Variants in NTNG1 observed in about 807,000 individuals in gnomAD.
The protein encoded by NTNG1 is netrin-G1.
In NTNG1, 16 loss-of-function variants were observed where a neutral mutation model predicts 54.0. The ratio of observed to expected loss-of-function variants is 0.30; its 90% CI spans 0.20 to 0.45. The LOEUF (loss-of-function observed/expected upper bound fraction) is 0.45, where lower values mean the gene tolerates loss of function less well. NTNG1 is among the 20% of genes least tolerant of loss of function. The probability of loss-of-function intolerance (pLI) is 1.00; values close to 1 mark genes in which losing one functional copy is unlikely to be tolerated. For missense variants in NTNG1, 530 were observed against 678.7 expected (o/e 0.78, Z 2.43); for synonymous variants, 255 against 263.1 (o/e 0.97, Z 0.30).
At chr1:107,395,052 C>T (rs534264775) in intron 3 of NTNG1, 102 bp from the exon 4 acceptor site, 2 of 852,784 alleles carry the variant, frequency 2.3e-6, no homozygotes. Flanking sequence ...CTCTGTGTAT[C>T]ACTAAAGCAC....
chr1:107,180,149 T>C (rs1246041781), intron 2 of NTNG1, among the ~76,000 whole-genome samples: 1 of 152,178 alleles, frequency 6.6e-6, no homozygotes, highest in Non-Finnish European at 1.5e-5. Flanking sequence ...GTGCTTCTTT[T>C]TGCAAAGCCC....
At chr1:107,461,153 G>C (rs1240656202) in intron 7 of NTNG1, among the ~76,000 whole-genome samples, 1 of 152,206 alleles carries the variant, frequency 6.6e-6, no homozygotes, top group Non-Finnish European at 1.5e-5. Context: ...GACATACATA[G>C]ACCCTGCTCT....
At chr1:107,310,802 G>T (rs751009293) in intron 2 of NTNG1, among the ~76,000 whole-genome samples, 24 of 152,030 alleles carry the variant, frequency 1.6e-4, no homozygotes, top group Non-Finnish European at 2.2e-4. Flanking sequence ...CACTACCCAT[G>T]TCCCAAACAG....
chr1:107,250,936 A>G (rs572670486), intron 2 of NTNG1, among the ~76,000 whole-genome samples: 1 of 152,254 alleles, frequency 6.6e-6, no homozygotes, highest in Non-Finnish European at 1.5e-5. Context: ...TTTAAATACA[A>G]CATCTATATT....
At chr1:107,241,886 C>G (rs550985520) in intron 2 of NTNG1, among the ~76,000 whole-genome samples, 3 of 152,122 alleles carry the variant, frequency 2.0e-5, no homozygotes, top group Non-Finnish European at 1.5e-5. Context: ...CTTGAACTGA[C>G]TTAAAAGAGT....
chr1:107,354,020 C>T (rs1669784794), intron 3 of NTNG1, among the ~76,000 whole-genome samples: 1 of 152,190 alleles, frequency 6.6e-6, no homozygotes, highest in Non-Finnish European at 1.5e-5. Context: ...TCCCACAAGG[C>T]ACCACCTCCA....
At chr1:107,360,265 G>A (rs1177743654) in intron 3 of NTNG1, among the ~76,000 whole-genome samples, 1 of 152,112 alleles carries the variant, frequency 6.6e-6, no homozygotes, top group Non-Finnish European at 1.5e-5. Context: ...AATGAATCAG[G>A]GTAAGGGAAA....
At chr1:107,172,513 G>A (rs76184870) in intron 2 of NTNG1, among the ~76,000 whole-genome samples, 1 of 152,194 alleles carries the variant, frequency 6.6e-6, no homozygotes, top group Non-Finnish European at 1.5e-5. Context: ...TGGCAGTCTG[G>A]TTTCTGACTC....
chr1:107,143,984 T>C (rs1363859936), intron 1 of NTNG1, among the ~76,000 whole-genome samples: 1 of 152,118 alleles, frequency 6.6e-6, no homozygotes, highest in East Asian at 1.9e-4. Flanking sequence ...CAGTTGCTCA[T>C]AATACCCAAT....
In NTNG1 at chr1:107,442,806, A is replaced by ATGAAACAGCAT. The variant is rs11268973; in HGVS notation, c.1390+6011_1390+6012insACAGCATTGAA. Among the ~76,000 whole-genome samples the ATGAAACAGCAT allele has an allele frequency of 6.6e-5, 10 of 152,048 alleles. No individual in the cohort carries two copies. The East Asian group carries it at 7.8e-4, about 12-fold the overall frequency. On this transcript the variant is annotated intron_variant, in intron 7 of 7. Transcript: ENST00000370068. ...CCTTCTTTGATGAAAGTTTTTTCAT[A>ATGAAACAGCAT]TGAAGCAGCTTGATAACATATGTTA... is the stretch of plus-strand genomic sequence containing the variant.
intron 2 of NTNG1, among the ~76,000 whole-genome samples, chr1:107,233,692 G>A (rs1281636148): frequency 2.0e-5 from 3 of 152,188 alleles, no homozygotes; most frequent in Admixed American, 6.5e-5. Context: ...ACAATGATTA[G>A]AGAGTGTACA....
intron 7 of NTNG1, among the ~76,000 whole-genome samples, chr1:107,456,804 G>A (rs1676982413): frequency 6.6e-6 from 1 of 152,144 alleles, no homozygotes; most frequent in Non-Finnish European, 1.5e-5. Flanking sequence ...TCCCCAAGTT[G>A]GATGACATTT....
At chr1:107,279,526 A>G (rs1196223536) in intron 2 of NTNG1, among the ~76,000 whole-genome samples, 3 of 152,214 alleles carry the variant, frequency 2.0e-5, no homozygotes, top group Non-Finnish European at 4.4e-5. Flanking sequence ...AGCCAGCAGC[A>G]CAGATGCCAC....
At chr1:107,379,459 C>A (rs767262618) in intron 3 of NTNG1, among the ~76,000 whole-genome samples, 4 of 152,134 alleles carry the variant, frequency 2.6e-5, no homozygotes, top group Non-Finnish European at 5.9e-5. Flanking sequence ...CTACACAATT[C>A]ATGAGAGATA....
intron 5 of NTNG1, among the ~76,000 whole-genome samples, chr1:107,412,704 C>G (rs1037810582): frequency 4.6e-5 from 7 of 152,140 alleles, no homozygotes; most frequent in African/African-American, 1.7e-4. Context: ...AGCATGGTGT[C>G]TGAGGACAGG....
At chr1:107,167,214 T>G (rs1431876000) in intron 2 of NTNG1, among the ~76,000 whole-genome samples, 1 of 152,058 alleles carries the variant, frequency 6.6e-6, no homozygotes, top group Non-Finnish European at 1.5e-5. Flanking sequence ...GAACAGATCT[T>G]CATAACTTCA....
At chr1:107,148,903 A>T (rs1360684041) in intron 2 of NTNG1, 64 bp downstream of exon 2, 2 of 1,487,140 alleles carry the variant, frequency 1.3e-6, no homozygotes, top group African/African-American at 2.8e-5. Context: ...ATGCATACAG[A>T]TGTGGTGAGT....
intron 2 of NTNG1, among the ~76,000 whole-genome samples, chr1:107,211,694 T>C (rs920835984): frequency 3.9e-5 from 6 of 152,180 alleles, no homozygotes; most frequent in African/African-American, 1.4e-4. Flanking sequence ...CACAGAGATG[T>C]CTGCTTAATT....
At position 107,484,278 on chromosome 1, in the gene NTNG1, G is replaced by A. The variant is rs114173121; in HGVS notation, c.*3438G>A. Among the ~76,000 whole-genome samples the A allele has an allele frequency of 5.3e-3, 813 of 152,282 alleles. 9 individuals carry two copies. The highest frequency in any genetic ancestry group is 0.019 in the African/African-American group (770 of 41,558). ...CTGAAAAATAAAGGGATGAGGGGTA[G>A]GAAGGAGATAGACAAGGGCTACCAC... On this transcript the variant is annotated 3_prime_UTR_variant, in exon 8 of 8. Coordinates refer to ENST00000370068, the MANE Select transcript of NTNG1 (RefSeq NM_001113226.3).
Sources: gnomAD v4.1 joint callset for allele counts (sites outside exome capture counted in the v4.1 genomes callset) on GRCh38, gnomAD v4.1.1 for gene constraint, MANE v1.5 for transcripts, NCBI Gene and HGNC (gene_info 2026-07-23, HGNC 2026-07-21) for gene names.